Variants in NEDD4 observed in about 807,000 individuals in gnomAD.
NEDD4 encodes NEDD4 E3 ubiquitin protein ligase.
Under a neutral mutation model 144.9 loss-of-function variants are expected in NEDD4, and 99 were observed. The observed-to-expected ratio is 0.68, with a 90% CI of 0.58 to 0.81. NEDD4 has a LOEUF of 0.81. NEDD4 is among the 30% of genes least tolerant of loss of function. The pLI is 0.00. For missense variants in NEDD4, 985 were observed against 1,065.9 expected (o/e 0.92, Z 1.06); for synonymous variants, 318 against 350.6 (o/e 0.91, Z 1.04).
intron 27 of NEDD4, 29 bp from the exon 28 acceptor site, chr15:55,830,615 TTACTCTC>T: frequency 6.3e-7 from 1 of 1,597,492 alleles, no homozygotes; most frequent in Non-Finnish European, 8.6e-7. Flanking sequence ...TTGGTTTCAT[TTACTCTC>T]TACAAGGATC....
Position 55,925,316 on chromosome 15 carries a change from G to A in NEDD4, c.238-617C>T, listed in dbSNP as rs547189477. Among the ~76,000 whole-genome samples, 18 of 152,270 alleles carry A rather than the reference G, an allele frequency of 1.2e-4. No homozygotes were observed. In the East Asian group the frequency reaches 3.3e-3, roughly 28 times the overall value. ...ATGTTTGCAAACGCTTATAAATACA[G>A]ATTAGATTTTGACACCTTATGATCA... On this transcript the variant is annotated intron_variant, in intron 4 of 28. Coordinates refer to ENST00000435532, the MANE Select transcript of NEDD4 (RefSeq NM_006154.4).
At chr15:55,848,309 T>C in intron 17 of NEDD4, 63 bp downstream of exon 17, 1 of 1,504,166 alleles carries the variant, frequency 6.6e-7, no homozygotes, top group Non-Finnish European at 9.3e-7. Context: ...CCCGTGACTA[T>C]CTGCTCTTGA....
intron 5 of NEDD4, chr15:55,916,530 TGAA>T (rs2036452337): frequency 6.2e-7 from 1 of 1,614,124 alleles, no homozygotes; most frequent in South Asian, 1.1e-5. Context: ...ATTGCTAGAC[TGAA>T]GATATCCACT....
intron 5 of NEDD4, among the ~76,000 whole-genome samples, chr15:55,902,904 G>A (rs1210734235): frequency 6.6e-6 from 1 of 152,124 alleles, no homozygotes; most frequent in Non-Finnish European, 1.5e-5. Context: ...AGGAGGCTGA[G>A]GCAGCAGAAT....
At chr15:55,969,638 C>T (rs1361881361) in intron 1 of NEDD4, among the ~76,000 whole-genome samples, 1 of 152,116 alleles carries the variant, frequency 6.6e-6, no homozygotes, top group African/African-American at 2.4e-5. Context: ...AACTCCCAGA[C>T]ACTTCTAGAC....
At chr15:55,873,208 G>A (rs188661620) in intron 6 of NEDD4, among the ~76,000 whole-genome samples, 2 of 152,066 alleles carry the variant, frequency 1.3e-5, no homozygotes, top group Admixed American at 1.3e-4. Flanking sequence ...CTGGCCCTCC[G>A]TTCTTATCTC....
chr15:55,952,110 T>C (rs2037251622), intron 2 of NEDD4, among the ~76,000 whole-genome samples: 1 of 150,854 alleles, frequency 6.6e-6, no homozygotes, highest in South Asian at 2.1e-4. Flanking sequence ...GGGCGGATCA[T>C]GAGGTCAGGA....
intron 14 of NEDD4, among the ~76,000 whole-genome samples, chr15:55,850,282 T>C (rs2033930791): frequency 1.3e-5 from 2 of 152,196 alleles, no homozygotes; most frequent in Admixed American, 1.3e-4. Flanking sequence ...CTATGTATCT[T>C]CTTAAGCATT....
chr15:55,877,710 TATTA>T (rs1208669057), intron 5 of NEDD4, among the ~76,000 whole-genome samples: 2 of 152,184 alleles, frequency 1.3e-5, no homozygotes, highest in African/African-American at 2.4e-5. Flanking sequence ...ATTCTTTTTA[TATTA>T]ATTAATTATT....
chr15:55,900,753 G>A (rs1425194838), intron 5 of NEDD4, among the ~76,000 whole-genome samples: 1 of 152,022 alleles, frequency 6.6e-6, no homozygotes, highest in Non-Finnish European at 1.5e-5. Flanking sequence ...AATTATAATA[G>A]CTGAATTACT....
At chr15:55,895,171 G>T (rs1165245205) in intron 5 of NEDD4, among the ~76,000 whole-genome samples, 3 of 152,112 alleles carry the variant, frequency 2.0e-5, no homozygotes, top group South Asian at 2.1e-4. Context: ...ATTCACTCTC[G>T]ACTGAAAATA....
intron 2 of NEDD4, among the ~76,000 whole-genome samples, chr15:55,952,985 T>TA (rs2037270567): frequency 1.0e-5 from 1 of 99,958 alleles, no homozygotes; most frequent in South Asian, 2.9e-4. Context: ...GTGTATTAAT[T>TA]CTTTTTTTTT....
intron 4 of NEDD4, among the ~76,000 whole-genome samples, chr15:55,939,417 T>C (rs975499717): frequency 2.0e-5 from 3 of 152,214 alleles, no homozygotes; most frequent in African/African-American, 7.2e-5. Context: ...CCCAGCCATG[T>C]GGAACTGTGA....
intron 1 of NEDD4, among the ~76,000 whole-genome samples, chr15:55,972,974 A>G (rs891983401): frequency 2.0e-5 from 3 of 152,252 alleles, no homozygotes; most frequent in East Asian, 1.9e-4. Context: ...TGAAATACCC[A>G]GTTATATAAA....
intron 17 of NEDD4, among the ~76,000 whole-genome samples, chr15:55,847,676 C>CT (rs149696600): frequency 1.6e-3 from 179 of 113,550 alleles, no homozygotes; most frequent in Middle Eastern, 9.5e-3. Context: ...TTTCTTTTTC[C>CT]TTTTTTTTTT....
intron 2 of NEDD4, among the ~76,000 whole-genome samples, chr15:55,954,057 A>G (rs977562848): frequency 1.3e-5 from 2 of 151,794 alleles, no homozygotes; most frequent in African/African-American, 4.8e-5. Flanking sequence ...TCAAAACCCT[A>G]CAGTCTGGTT....
At chr15:55,895,476 A>T (rs1185720326) in intron 5 of NEDD4, among the ~76,000 whole-genome samples, 2 of 152,242 alleles carry the variant, frequency 1.3e-5, no homozygotes, top group Non-Finnish European at 2.9e-5. Flanking sequence ...GATAAACAGG[A>T]AACTACTTTA....
At chr15:55,965,936 G>A (rs1242145129) in intron 2 of NEDD4, among the ~76,000 whole-genome samples, 1 of 152,140 alleles carries the variant, frequency 6.6e-6, no homozygotes, top group Non-Finnish European at 1.5e-5. Context: ...ACAGGCATGA[G>A]CCACCATGCC....
Position 55,920,925 on chromosome 15 carries a change from T to C in NEDD4, c.291+3721A>G, listed in dbSNP as rs1263164607. 3.3e-5 allele frequency among the ~76,000 whole-genome samples: 5 copies of C among 150,852 alleles called. 1 individual carries two copies. Among genetic ancestry groups the C allele is most frequent in the Admixed American group, 1.3e-4 (2 of 15,088 alleles). Reference sequence around the variant, plus strand: ...CCATGTTCTAATTATCTTTGGCTCTTTGTTTTGCTGGTAAACCGAGTTTCT... The same window carrying C: ...CCATGTTCTAATTATCTTTGGCTCTCTGTTTTGCTGGTAAACCGAGTTTCT... On this transcript the variant is annotated intron_variant, in intron 5 of 28. Coordinates refer to ENST00000435532, the MANE Select transcript of NEDD4 (RefSeq NM_006154.4).
Sources: allele counts gnomAD v4.1 joint callset (sites outside exome capture counted in the v4.1 genomes callset), GRCh38; gene constraint gnomAD v4.1.1; transcripts MANE v1.5; gene names NCBI Gene and HGNC (gene_info 2026-07-23, HGNC 2026-07-21).